Variants in TCF3 observed in about 807,000 individuals in gnomAD.
TCF3 encodes transcription factor 3, also known as transcription factor E2-alpha.
A neutral mutation model predicts 72.3 loss-of-function variants in TCF3; 54 were observed. The ratio of observed to expected loss-of-function variants is 0.75; its 90% CI spans 0.60 to 0.94. The LOEUF (loss-of-function observed/expected upper bound fraction) is 0.94, where lower values mean the gene tolerates loss of function less well. Ranked by LOEUF, TCF3 falls within the 40% of genes least tolerant of loss-of-function variation. The probability of loss-of-function intolerance (pLI) is 0.00; values close to 1 mark genes in which losing one functional copy is unlikely to be tolerated. For missense variants in TCF3, 1,078 were observed against 934.4 expected (o/e 1.15, Z -2.00); for synonymous variants, 525 against 412.6 (o/e 1.27, Z -3.30).
chr19:1,618,909 T>C (rs10424789), intron 16 of TCF3, among the ~76,000 whole-genome samples: 2,186 of 152,264 alleles, frequency 0.014, 51 homozygotes, highest in African/African-American at 0.05. Context: ...AGCCCAGAGC[T>C]GTCCACCTCA....
intron 1 of TCF3, chr19:1,650,782 G>A (rs1162997660): frequency 4.3e-6 from 1 of 231,122 alleles, no homozygotes; most frequent in East Asian, 6.1e-5. Flanking sequence ...TTGAAGACCA[G>A]GTCGCCCCCA....
In TCF3 at chr19:1,619,426, T is replaced by C; in HGVS notation, c.1216A>G (p.Ser406Gly). 6.3e-7 allele frequency: 1 copy of C among 1,590,510 alleles called. No individual in the cohort carries two copies. The highest frequency in any genetic ancestry group is 8.5e-7 in the Non-Finnish European group (1 of 1,175,292). Residue 406 changes from serine to glycine, a missense_variant, in exon 15 of 19, where the codon AGC becomes GGC. By Grantham distance (56) the Ser-to-Gly change is moderately conservative. Coordinates refer to ENST00000262965, the MANE Select transcript of TCF3 (RefSeq NM_003200.5). ...HLDEAIHVLR[S>G]HAVGTAGDMH... ...TCGCCGGCTGTGCCCACGGCGTGGC[T>C]GCGGAGCACGTGGATGGCCTCGTCC...
chr19:1,636,896 C>G (rs1224102056), intron 3 of TCF3, among the ~76,000 whole-genome samples: 1 of 152,136 alleles, frequency 6.6e-6, no homozygotes, highest in African/African-American at 2.4e-5. Context: ...GGCCCGCCCG[C>G]GAGCAGACAA....
chr19:1,611,700 A>G lies in TCF3; in HGVS notation c.*7T>C. ...AGCGGGTGGCTCGTCCCACGGAGGC[A>G]TACCTTTCACATGTGCCCGGCGGGG... On this transcript the variant is annotated 3_prime_UTR_variant, in exon 19 of 19. Transcript: ENST00000262965. 2 of 1,611,646 alleles carry G rather than the reference A, an allele frequency of 1.2e-6. No homozygotes were observed. Among genetic ancestry groups the G allele is most frequent in the Non-Finnish European group, 1.7e-6 (2 of 1,178,734 alleles).
intron 3 of TCF3, among the ~76,000 whole-genome samples, chr19:1,644,368 G>A (rs879620401): frequency 1.1e-4 from 15 of 141,152 alleles, no homozygotes; most frequent in Admixed American, 5.4e-4. Flanking sequence ...GGGCTCAGGC[G>A]GGCGTTAACT....
Position 1,619,216 on chromosome 19 carries a change from C to T in TCF3, c.1345G>A (p.Glu449Lys), listed in dbSNP as rs375386417. 3.4e-5 allele frequency: 54 copies of T among 1,596,806 alleles called. No homozygotes were observed. The highest frequency in any genetic ancestry group is 1.5e-4 in the Admixed American group (9 of 59,726). Residue 449 changes from glutamate (E) to lysine (K), a missense_variant, in exon 16 of 19, where the codon GAG (glutamate) becomes AAG (lysine). Coordinates refer to ENST00000262965, the MANE Select transcript of TCF3 (RefSeq NM_003200.5). ...CTGGTGCTGCCTGCGAGGCCGTCCT[C>T]GGGGTGGCTGCCTCCAACCTGCAGG... ...HAGLVGGSHPEDGLAGSTSLM... is the reference protein window; with the variant it reads ...HAGLVGGSHPKDGLAGSTSLM...
At position 1,613,057 on chromosome 19, in the gene TCF3, G is replaced by C. The variant is rs367745199; in HGVS notation, c.1823-1208C>G. Among the ~76,000 whole-genome samples, 721 of 151,490 alleles carry C rather than the reference G, an allele frequency of 4.8e-3. 5 individuals carry two copies. Among genetic ancestry groups the C allele is most frequent in the African/African-American group, 0.016 (675 of 41,228 alleles). ...GCAGTGTAGGTACACGGCTGGTGTC[G>C]GGCACAGCAATGCAGGTACATGGCT... On this transcript the variant is annotated intron_variant, in intron 18 of 18. Coordinates refer to ENST00000262965, the MANE Select transcript of TCF3 (RefSeq NM_003200.5).
chr19:1,611,857 GA>G lies in TCF3; in HGVS notation c.1823-9del. The G allele has an allele frequency of 6.2e-7, 1 of 1,607,478 alleles. No homozygotes were observed. Among genetic ancestry groups the G allele is most frequent in the Non-Finnish European group, 8.5e-7 (1 of 1,177,768 alleles). On this transcript the variant is annotated splice_polypyrimidine_tract_variant and intron_variant, in intron 18 of 18. Transcript: ENST00000262965. ...TGGGATTCAGGTTCCGCTCTGGAGG[GA>G]GGGGGGAGAGCTCTGTGGGAGACGG...
intron 1 of TCF3, among the ~76,000 whole-genome samples, chr19:1,651,588 TGA>T (rs1457208153): frequency 8.5e-5 from 13 of 152,110 alleles, no homozygotes; most frequent in Admixed American, 6.5e-5. Context: ...CCAAGGACTT[TGA>T]GAGACTTGGA....
In TCF3 at chr19:1,632,350, G is replaced by A. The variant is rs370490387; in HGVS notation, c.201C>T (p.Ser67=). ...GSWGSGDQSS[S]SFDPSRTFSE... is the part of the protein sequence containing the mutation. ...CTCCTACCCGGCTGGGGTCAAAGGA[G>A]GAGCTGCTCTGGTCGCCGCTGCCCC... The change falls in exon 4 of 19, where the codon TCC becomes TCT. Residue 67 remains serine, a synonymous_variant. Coordinates refer to ENST00000262965, the MANE Select transcript of TCF3 (RefSeq NM_003200.5). 3.1e-6 allele frequency: 5 copies of A among 1,590,988 alleles called. No individual in the cohort carries two copies. The African/African-American group carries it at 4.0e-5, about 13-fold the overall frequency.
intron 3 of TCF3, among the ~76,000 whole-genome samples, chr19:1,637,330 C>A (rs1342498742): frequency 6.6e-6 from 1 of 152,158 alleles, no homozygotes; most frequent in Non-Finnish European, 1.5e-5. Flanking sequence ...CGAGGACAAC[C>A]TCCTCCACCA....
intron 3 of TCF3, among the ~76,000 whole-genome samples, chr19:1,643,825 T>C (rs916762938): frequency 1.3e-5 from 2 of 152,230 alleles, no homozygotes; most frequent in African/African-American, 4.8e-5. Context: ...AAATCTAAAG[T>C]TTCCTTTCAA....
chr19:1,621,191 C>T lies in TCF3; in HGVS notation c.956G>A (p.Gly319Asp). 2.0e-6 allele frequency: 3 copies of T among 1,535,810 alleles called. No individual in the cohort carries two copies. Among genetic ancestry groups the T allele is most frequent in the Non-Finnish European group, 2.6e-6 (3 of 1,146,084 alleles). Residue 319 changes from glycine to aspartate, a missense_variant and splice_region_variant, in exon 12 of 19, where the codon GGC becomes GAC. Transcript: ENST00000262965. ...PPVSGADSLL[G>D]SRGTTAGSSG... ...GCTGCCAGCTGTGGTCCCTCGGGAG[C>T]CTGTGGGTGAAGAGAGGTGAGGCCC...
intron 7 of TCF3, 98 bp downstream of exon 7, chr19:1,625,478 C>T (rs2146266346): frequency 4.3e-6 from 6 of 1,383,076 alleles, no homozygotes; most frequent in African/African-American, 3.1e-5. Context: ...GGTGCGGGGT[C>T]TGCTCCCTCT....
At position 1,621,823 on chromosome 19, in the gene TCF3, A is replaced by C. The variant is rs769621931; in HGVS notation, c.955+15T>G. ...TGTCCCCTCGGAGAGGCCGCATCCC[A>C]GGGAGGGGCCATACCCAGGAGGCTG... On this transcript the variant is annotated intron_variant, in intron 11 of 18. Coordinates refer to ENST00000262965, the MANE Select transcript of TCF3 (RefSeq NM_003200.5). 4.4e-6 allele frequency: 7 copies of C among 1,576,674 alleles called. No homozygotes were observed. Among genetic ancestry groups the C allele is most frequent in the Non-Finnish European group, 6.0e-6 (7 of 1,162,602 alleles).
Position 1,621,929 on chromosome 19 carries a change from T to C in TCF3, c.864A>G (p.Pro288=), listed in dbSNP as rs760819617. ...GGGCTGAGGAGAAGGAGGATGCAGATGGGAGCCCACCGTTCACCTCTGCTC... is the reference window on the plus strand; with the variant it reads ...GGGCTGAGGAGAAGGAGGATGCAGACGGGAGCCCACCGTTCACCTCTGCTC... ...LHGAEVNGGL[P]SASSFSSAPG... Residue 288 remains proline (P), a synonymous_variant, in exon 11 of 19, where the codon CCA becomes CCG. Coordinates refer to ENST00000262965, the MANE Select transcript of TCF3 (RefSeq NM_003200.5). 1.2e-6 allele frequency: 2 copies of C among 1,605,498 alleles called. No individual in the cohort carries two copies. Among genetic ancestry groups the C allele is most frequent in the Non-Finnish European group, 8.5e-7 (1 of 1,177,148 alleles).
intron 3 of TCF3, among the ~76,000 whole-genome samples, chr19:1,640,094 G>A (rs996161302): frequency 6.6e-6 from 1 of 152,170 alleles, no homozygotes. Flanking sequence ...TGAGGACCGC[G>A]GCGCCCTCAG....
chr19:1,611,611 G>A lies in TCF3; in HGVS notation c.*96C>T. The A allele has an allele frequency of 6.7e-7, 1 of 1,484,374 alleles. No individual in the cohort carries two copies. The highest frequency in any genetic ancestry group is 9.1e-7 in the Non-Finnish European group (1 of 1,100,532). 92.0% of individuals were successfully genotyped at this position (1,484,374 alleles called of 1,614,324 possible). On this transcript the variant is annotated 3_prime_UTR_variant, in exon 19 of 19. Coordinates refer to ENST00000262965, the MANE Select transcript of TCF3 (RefSeq NM_003200.5). ...TCGATGCTGACAACAGGTGTGTGAG[G>A]TGTGGATGTGGATGAAGCCCGGGGT...
chr19:1,627,405 G>T lies in TCF3; in HGVS notation c.320C>A (p.Ala107Asp). The T allele has an allele frequency of 6.2e-7, 1 of 1,612,090 alleles. No homozygotes were observed. The highest frequency in any genetic ancestry group is 1.1e-5 in the South Asian group (1 of 90,882). ...GLGGKSGERG[A>D]YASFGRDAGV... ...TGCGTCTCTCCCGAAGGAGGCATAGGCGCCCCGCTCACCGCTCTTGCCTGC... is the reference window on the plus strand; with the variant it reads ...TGCGTCTCTCCCGAAGGAGGCATAGTCGCCCCGCTCACCGCTCTTGCCTGC... The change falls in exon 6 of 19, where the codon GCC (alanine) becomes GAC (aspartate). Residue 107 changes from alanine to aspartate, a missense_variant. Coordinates refer to ENST00000262965, the MANE Select transcript of TCF3 (RefSeq NM_003200.5).
Sources: gnomAD v4.1 joint callset for allele counts (sites outside exome capture counted in the v4.1 genomes callset) on GRCh38, gnomAD v4.1.1 for gene constraint, MANE v1.5 for transcripts, NCBI Gene and HGNC (gene_info 2026-07-23, HGNC 2026-07-21) for gene names.